SNX24: variants seen among roughly 807,000 people sequenced by gnomAD.
The protein encoded by SNX24 is sorting nexin-24.
In SNX24, 22 loss-of-function variants were observed where a neutral mutation model predicts 28.7. That is an observed-to-expected ratio of 0.77 (90% CI 0.55 to 1.10). The LOEUF (loss-of-function observed/expected upper bound fraction) is 1.10. SNX24 is among the 50% of genes least tolerant of loss of function. The pLI is 0.00. For synonymous variants in SNX24, 69 were observed against 71.5 expected, an observed-to-expected ratio of 0.96 and a Z score of 0.18; for missense variants, 221 against 201.1, an observed-to-expected ratio of 1.10 and a Z score of -0.60.
rs776419773 is a variant in SNX24 at position 122,845,650 on chromosome 5, C to T, written c.17C>T (p.Pro6Leu). 2.8e-6 allele frequency: 4 copies of T among 1,432,634 alleles called. No homozygotes were observed. Among genetic ancestry groups the T allele is most frequent in the South Asian group, 1.6e-5 (1 of 61,578 alleles). The allele number at this position is 1,432,634 out of a possible 1,614,324, so 88.7% of individuals were successfully genotyped here. Residue 6 changes from proline (P) to leucine (L), a missense_variant, in exon 1 of 7, where the codon CCG (proline) becomes CTG (leucine). By Grantham distance (98) the Pro-to-Leu change is moderately conservative. Transcript: ENST00000261369. ...GGCGCGGCCATGGAGGTCTACATCC[C>T]GTCCTTTCGCTATGAAGAGAGCGAC... MEVYI[P>L]SFRYEESDLE...
intron 6 of SNX24, among the ~76,000 whole-genome samples, chr5:123,002,440 G>C (rs1259370436): frequency 6.6e-6 from 1 of 152,110 alleles, no homozygotes; most frequent in Non-Finnish European, 1.5e-5. Flanking sequence ...AAACCATCCT[G>C]GCTAACACGG....
rs35641261 is a variant in SNX24, at chr5:122,958,723, A to ATTT, written c.249+12570_249+12572dup. 5.3e-5 allele frequency among the ~76,000 whole-genome samples: 8 copies of ATTT among 151,176 alleles called. No homozygotes were observed. In the South Asian group the frequency reaches 1.0e-3, roughly 20 times the overall value. ...AGTCTTTTTATTTTTTAATTTTTAA[A>ATTT]TTTTTTTTGTATTTTTAGTAGAGAC... On this transcript the variant is annotated intron_variant, in intron 3 of 6. Coordinates refer to ENST00000261369, the MANE Select transcript of SNX24 (RefSeq NM_014035.4).
At chr5:122,881,253 A>C (rs1281022923) in intron 1 of SNX24, among the ~76,000 whole-genome samples, 1 of 152,214 alleles carries the variant, frequency 6.6e-6, no homozygotes, top group Non-Finnish European at 1.5e-5. Context: ...AGTTTAATAT[A>C]TGGAAATATG....
intron 3 of SNX24, among the ~76,000 whole-genome samples, chr5:122,950,099 A>G (rs1379123228): frequency 1.3e-5 from 2 of 152,240 alleles, no homozygotes; most frequent in Admixed American, 6.5e-5. Context: ...GATCTCCTGT[A>G]AAAGTAGAAT....
chr5:122,884,565 A>G (rs901611924), intron 1 of SNX24, among the ~76,000 whole-genome samples: 1 of 151,912 alleles, frequency 6.6e-6, no homozygotes, highest in African/African-American at 2.4e-5. Flanking sequence ...TCTTTATCAC[A>G]TAAAAAAAAA....
chr5:122,857,356 A>G (rs551096584), intron 1 of SNX24, among the ~76,000 whole-genome samples: 4 of 151,694 alleles, frequency 2.6e-5, no homozygotes, highest in South Asian at 2.1e-4. Context: ...TTCAGTTTCA[A>G]TCTTCTACAT....
chr5:122,854,230 C>T (rs996647791), intron 1 of SNX24, among the ~76,000 whole-genome samples: 3 of 152,028 alleles, frequency 2.0e-5, no homozygotes, highest in African/African-American at 4.8e-5. Context: ...TAGTGTAGGC[C>T]GGGTGCAGTA....
chr5:122,898,695 C>T (rs913991002), intron 1 of SNX24, among the ~76,000 whole-genome samples: 4 of 152,154 alleles, frequency 2.6e-5, no homozygotes, highest in Admixed American at 2.6e-4. Flanking sequence ...GAAAAATATC[C>T]ATTAAATCTT....
chr5:122,964,863 A>G (rs759024209), intron 3 of SNX24, among the ~76,000 whole-genome samples: 28 of 152,324 alleles, frequency 1.8e-4, no homozygotes, highest in Non-Finnish European at 2.5e-4. Context: ...TTGTAAAACA[A>G]TTCTAACAAA....
intron 1 of SNX24, among the ~76,000 whole-genome samples, chr5:122,881,635 C>T (rs550049471): frequency 6.6e-6 from 1 of 152,162 alleles, no homozygotes; most frequent in East Asian, 1.9e-4. Flanking sequence ...TGCTAAGCTT[C>T]AGATTCCTCA....
intron 1 of SNX24, among the ~76,000 whole-genome samples, chr5:122,901,242 G>T (rs1419235680): frequency 6.6e-6 from 1 of 150,788 alleles, no homozygotes; most frequent in African/African-American, 2.4e-5. Context: ...TATTTATGAT[G>T]AAGAACTATT....
chr5:122,918,589 T>C (rs1435066986), intron 1 of SNX24, among the ~76,000 whole-genome samples: 1 of 152,218 alleles, frequency 6.6e-6, no homozygotes, highest in Non-Finnish European at 1.5e-5. Context: ...TTGTAAAATA[T>C]CTTACTCTGT....
chr5:123,012,664 A>G (rs765290277), downstream of SNX24, among the ~76,000 whole-genome samples: 2 of 152,224 alleles, frequency 1.3e-5, no homozygotes, highest in Non-Finnish European at 2.9e-5. Context: ...TGTCATGTAT[A>G]TTTTACCACA....
chr5:123,026,227 G>C (rs1350134668), intron 5 of SNX24, among the ~76,000 whole-genome samples: 3 of 152,166 alleles, frequency 2.0e-5, no homozygotes, highest in African/African-American at 7.2e-5. Flanking sequence ...CTCATACCAA[G>C]GGCCAAACCT....
chr5:122,848,641 G>A (rs920626328), intron 1 of SNX24, among the ~76,000 whole-genome samples: 2 of 152,038 alleles, frequency 1.3e-5, no homozygotes, highest in African/African-American at 4.8e-5. Context: ...CCCCGGAGGC[G>A]GAGGTTGCAG....
At chr5:122,966,871 G>A (rs1760736766) in intron 3 of SNX24, among the ~76,000 whole-genome samples, 1 of 152,090 alleles carries the variant, frequency 6.6e-6, no homozygotes, top group South Asian at 2.1e-4. Context: ...TTTTTCCTCA[G>A]ATCTGGGCTA....
At position 123,028,848 on chromosome 5, in the gene SNX24, T is replaced by G. The variant is rs768053536; in HGVS notation, n.384-390T>G. 8.5e-4 allele frequency: 1,362 copies of G among 1,611,166 alleles called. 1 individual carries two copies. The highest frequency in any genetic ancestry group is 1.0e-3 in the Non-Finnish European group (1,236 of 1,177,326). ...CCTTGATGACACGATGAAACTTGCTTCCTTTATATCCATATCCTTTCTAAA... is the reference window on the plus strand; with the variant it reads ...CCTTGATGACACGATGAAACTTGCTGCCTTTATATCCATATCCTTTCTAAA... On this transcript the variant is annotated intron_variant and non_coding_transcript_variant, in intron 5 of 5. Transcript: ENST00000502387.
At chr5:122,928,885 A>T (rs1374416101) in intron 1 of SNX24, among the ~76,000 whole-genome samples, 1 of 147,072 alleles carries the variant, frequency 6.8e-6, no homozygotes, top group South Asian at 2.4e-4. Context: ...CTCAAGTATT[A>T]TTTTACCATC....
At chr5:122,994,200 T>A (rs1178390565) in intron 3 of SNX24, among the ~76,000 whole-genome samples, 1 of 152,212 alleles carries the variant, frequency 6.6e-6, no homozygotes, top group Non-Finnish European at 1.5e-5. Flanking sequence ...TATAATTGGC[T>A]GCTGGGTAGG....
Sources: gnomAD v4.1 joint callset for allele counts (sites outside exome capture counted in the v4.1 genomes callset) on GRCh38, gnomAD v4.1.1 for gene constraint, MANE v1.5 for transcripts, NCBI Gene and HGNC (gene_info 2026-07-23, HGNC 2026-07-21) for gene names.